Variants in MTHFD1L observed in about 807,000 individuals in gnomAD.
The protein encoded by MTHFD1L is monofunctional C1-tetrahydrofolate synthase, mitochondrial.
A neutral mutation model predicts 119.5 loss-of-function variants in MTHFD1L; 81 were observed. That is an observed-to-expected ratio of 0.68 (90% CI 0.57 to 0.82). MTHFD1L has a LOEUF of 0.82. Among genes scored for constraint, MTHFD1L ranks in the 40% least tolerant of loss-of-function variants. MTHFD1L has a pLI of 0.00. For synonymous variants in MTHFD1L, 430 were observed against 475.2 expected (o/e 0.90, Z 1.24); for missense variants, 1,125 against 1,253.4 (o/e 0.90, Z 1.55).
intron 18 of MTHFD1L, among the ~76,000 whole-genome samples, chr6:150,963,941 G>A (rs1192231397): frequency 6.6e-6 from 1 of 152,208 alleles, no homozygotes; most frequent in Non-Finnish European, 1.5e-5. Context: ...GCCGAGGCAG[G>A]CAGATCATGA....
Position 150,913,367 on chromosome 6 carries a change from G to A in MTHFD1L, c.893-5210G>A, listed in dbSNP as rs1052796902. On this transcript the variant is annotated intron_variant, in intron 8 of 27. Coordinates refer to ENST00000367321, the MANE Select transcript of MTHFD1L (RefSeq NM_015440.5). ...TTTTTAGTAGAGACGGGGTTTCACC[G>A]TGTTAGCCAGGATGGTCTCGATCTC... is the stretch of plus-strand genomic sequence containing the variant. Among the ~76,000 whole-genome samples, 7 of 151,718 alleles carry A rather than the reference G, an allele frequency of 4.6e-5. No individual in the cohort carries two copies. In the East Asian group the frequency reaches 9.8e-4, roughly 21 times the overall value.
intron 27 of MTHFD1L, among the ~76,000 whole-genome samples, chr6:151,098,565 T>C (rs923799592): frequency 3.3e-5 from 5 of 152,202 alleles, no homozygotes; most frequent in Admixed American, 6.5e-5. Context: ...TAGTGATAAT[T>C]AAATCTCTCC....
intron 26 of MTHFD1L, among the ~76,000 whole-genome samples, chr6:151,069,829 T>G (rs1238524420): frequency 6.6e-6 from 1 of 152,090 alleles, no homozygotes; most frequent in Non-Finnish European, 1.5e-5. Flanking sequence ...ATTTCAGAGT[T>G]CTCGGATTAT....
Position 151,086,268 on chromosome 6 carries a change from G to T in MTHFD1L, c.2848-6199G>T, listed in dbSNP as rs565185057. 5.3e-5 allele frequency among the ~76,000 whole-genome samples: 8 copies of T among 152,222 alleles called. No homozygotes were observed. The South Asian group carries it at 1.7e-3, about 32-fold the overall frequency. Reference sequence around the variant, plus strand: ...ACAATCTATTTTCATTATATAGTGTGTGTCTCTCTCTCCCCTCATCTCTCT... The same window carrying T: ...ACAATCTATTTTCATTATATAGTGTTTGTCTCTCTCTCCCCTCATCTCTCT... On this transcript the variant is annotated intron_variant, in intron 26 of 27. Coordinates refer to ENST00000367321, the MANE Select transcript of MTHFD1L (RefSeq NM_015440.5).
At chr6:151,057,557 A>G (rs1484665964) in intron 26 of MTHFD1L, among the ~76,000 whole-genome samples, 1 of 152,000 alleles carries the variant, frequency 6.6e-6, no homozygotes, top group Non-Finnish European at 1.5e-5. Context: ...GCTTGGGCCC[A>G]GGAGGTAAAG....
chr6:151,009,145 G>A (rs1474090908), intron 20 of MTHFD1L, among the ~76,000 whole-genome samples: 6 of 142,208 alleles, frequency 4.2e-5, no homozygotes, highest in African/African-American at 8.1e-5. Context: ...AAAAAAAAGA[G>A]TAAGAAAGGA....
chr6:150,946,007 C>G (rs371758055), intron 15 of MTHFD1L, among the ~76,000 whole-genome samples: 2 of 151,312 alleles, frequency 1.3e-5, no homozygotes, highest in Admixed American at 1.3e-4. Flanking sequence ...GAGCCCATCT[C>G]TTAAAAAAAA....
rs142504645 is a variant in MTHFD1L at position 151,006,191 on chromosome 6, C to T, written c.2126-3628C>T. ...CCTGCAAGGGAGCACACCACAGGGC[C>T]GGGAGGGTGGGATGGGCGGGAGGAG... On this transcript the variant is annotated intron_variant, in intron 20 of 27. Transcript: ENST00000367321. Among the ~76,000 whole-genome samples the T allele has an allele frequency of 4.8e-3, 265 of 54,640 alleles. 5 individuals carry two copies. Among genetic ancestry groups the T allele is most frequent in the African/African-American group, 0.015 (239 of 16,004 alleles). The allele number at this position is 54,640 out of a possible 152,430, so 35.8% of individuals were successfully genotyped here.
intron 16 of MTHFD1L, 131 bp downstream of exon 16, chr6:150,949,264 A>T (rs921839973): frequency 8.8e-6 from 6 of 681,238 alleles, no homozygotes; most frequent in Non-Finnish European, 1.5e-5. Flanking sequence ...TCATATTCCC[A>T]CCATTTATTT....
chr6:151,061,390 T>A (rs753083409), intron 26 of MTHFD1L, among the ~76,000 whole-genome samples: 10 of 152,162 alleles, frequency 6.6e-5, no homozygotes, highest in African/African-American at 2.2e-4. Flanking sequence ...AAGGTTTTTA[T>A]TGGGTAATGG....
intron 26 of MTHFD1L, among the ~76,000 whole-genome samples, chr6:151,054,513 T>G (rs1283060322): frequency 6.6e-6 from 1 of 152,164 alleles, no homozygotes; most frequent in Admixed American, 6.5e-5. Flanking sequence ...ACTCTGACAT[T>G]CCCGGCCCCT....
intron 24 of MTHFD1L, among the ~76,000 whole-genome samples, chr6:151,022,731 T>A (rs929101379): frequency 2.6e-5 from 4 of 152,218 alleles, no homozygotes; most frequent in African/African-American, 9.6e-5. Context: ...AGCCCTTTCT[T>A]CAGCGCTCCC....
chr6:150,875,844 T>C (rs1328668672), intron 1 of MTHFD1L, among the ~76,000 whole-genome samples: 1 of 152,222 alleles, frequency 6.6e-6, no homozygotes, highest in African/African-American at 2.4e-5. Context: ...TAGAAAATTA[T>C]TGTAAACATC....
chr6:150,908,114 G>A (rs989863606), intron 8 of MTHFD1L, among the ~76,000 whole-genome samples: 1 of 145,594 alleles, frequency 6.9e-6, no homozygotes, highest in African/African-American at 2.5e-5. Flanking sequence ...CACCATGTTT[G>A]CCAGGTTGGT....
At chr6:151,080,989 G>A (rs148341303) in intron 26 of MTHFD1L, among the ~76,000 whole-genome samples, 403 of 152,148 alleles carry the variant, frequency 2.6e-3, no homozygotes, top group African/African-American at 8.9e-3. Flanking sequence ...CTACAGCCTC[G>A]ACTTCCTGTC....
At chr6:150,984,452 A>T (rs916826760) in intron 20 of MTHFD1L, among the ~76,000 whole-genome samples, 1 of 152,110 alleles carries the variant, frequency 6.6e-6, no homozygotes, top group East Asian at 1.9e-4. Flanking sequence ...AAGTAACTGA[A>T]GACTTTTAAT....
At chr6:150,975,424 G>A (rs530818768) in intron 20 of MTHFD1L, among the ~76,000 whole-genome samples, 1 of 152,286 alleles carries the variant, frequency 6.6e-6, no homozygotes, top group Admixed American at 6.5e-5. Flanking sequence ...AGCCTGCACT[G>A]TGGGGCTCGT....
At chr6:150,923,557 T>C (rs1217263852) in intron 10 of MTHFD1L, among the ~76,000 whole-genome samples, 3 of 90,152 alleles carry the variant, frequency 3.3e-5, no homozygotes, top group Admixed American at 1.2e-4. Context: ...TTTTTTTTTT[T>C]TTTTTTTGAG....
chr6:150,923,544 C>CTTTTTTTTTTTT (rs61415562), intron 10 of MTHFD1L, among the ~76,000 whole-genome samples: 2 of 53,228 alleles, frequency 3.8e-5, no homozygotes, highest in Non-Finnish European at 7.9e-5. Flanking sequence ...TTTATTTTTT[C>CTTTTTTTTTTTT]TTTTTTTTTT....
Sources: gnomAD v4.1 joint callset for allele counts (sites outside exome capture counted in the v4.1 genomes callset) on GRCh38, gnomAD v4.1.1 for gene constraint, MANE v1.5 for transcripts, NCBI Gene and HGNC (gene_info 2026-07-23, HGNC 2026-07-21) for gene names.